The following DIP2C variants were observed in gnomAD, a reference collection of about 807,000 sequenced individuals.
DIP2C encodes disco-interacting protein 2 homolog C.
DIP2C carries 33 observed loss-of-function variants against 192.4 expected under a neutral mutation model. The observed-to-expected ratio is 0.17, with a 90% CI of 0.13 to 0.23. The LOEUF is 0.23. Among genes scored for constraint, DIP2C ranks in the 10% least tolerant of loss-of-function variants. The pLI, the probability that DIP2C is intolerant of heterozygous loss-of-function variation, is 1.00. For missense variants in DIP2C, 1,537 were observed against 2,110.1 expected, an observed-to-expected ratio of 0.73 and a Z score of 5.32; for synonymous variants, 979 against 864.1, an observed-to-expected ratio of 1.13 and a Z score of -2.33.
rs372103136 is a variant in DIP2C at position 417,895 on chromosome 10, G to A, written c.739+1170C>T. ...CTCCCTGTCCACCTGCACCTGTCAG[G>A]GCTCGGATAGGCCTCCCTGTCCACC... On this transcript the variant is annotated intron_variant, in intron 6 of 36. Transcript: ENST00000280886. Among the ~76,000 whole-genome samples the A allele has an allele frequency of 8.7e-3, 396 of 45,720 alleles. 24 individuals are homozygous for A. The highest frequency in any genetic ancestry group is 0.016 in the Middle Eastern group (1 of 64). 30.0% of individuals were successfully genotyped at this position (45,720 alleles called of 152,430 possible).
chr10:681,528 T>C (rs929095831), intron 1 of DIP2C, among the ~76,000 whole-genome samples: 5 of 149,296 alleles, frequency 3.3e-5, no homozygotes, highest in African/African-American at 1.2e-4. Context: ...TTCCAGGGAA[T>C]GCAGCCCCTC....
intron 1 of DIP2C, among the ~76,000 whole-genome samples, chr10:517,430 C>A (rs978226903): frequency 1.4e-4 from 22 of 152,284 alleles, no homozygotes; most frequent in African/African-American, 5.3e-4. Flanking sequence ...CACCCAAGCC[C>A]GACGCTCCGC....
intron 1 of DIP2C, among the ~76,000 whole-genome samples, chr10:499,580 CAG>C (rs1225152960): frequency 6.6e-6 from 1 of 152,150 alleles, no homozygotes; most frequent in African/African-American, 2.4e-5. Flanking sequence ...TAATATCTGA[CAG>C]AGCAGCCAAG....
At chr10:628,729 TGA>T (rs1184908502) in intron 1 of DIP2C, 1 of 152,372 alleles carries the variant, frequency 6.6e-6, no homozygotes, top group East Asian at 1.9e-4. Context: ...GGCACCCGTC[TGA>T]GAAGATGAAG....
At chr10:332,431 C>G (rs1957546034) in intron 29 of DIP2C, among the ~76,000 whole-genome samples, 1 of 152,132 alleles carries the variant, frequency 6.6e-6, no homozygotes, top group South Asian at 2.1e-4. Flanking sequence ...TAAGAAAACA[C>G]AAATCTTGAC....
chr10:571,985 T>C (rs1313792963), intron 1 of DIP2C, among the ~76,000 whole-genome samples: 1 of 152,222 alleles, frequency 6.6e-6, no homozygotes, highest in Non-Finnish European at 1.5e-5. Context: ...ATGTTCTTGG[T>C]TTCATGTTTG....
intron 24 of DIP2C, among the ~76,000 whole-genome samples, chr10:351,286 A>G (rs1473687568): frequency 3.3e-5 from 5 of 152,220 alleles, no homozygotes; most frequent in Non-Finnish European, 5.9e-5. Flanking sequence ...ATGGCGGGGC[A>G]CGGTGAGTGG....
chr10:571,752 T>G (rs930211273), intron 1 of DIP2C, among the ~76,000 whole-genome samples: 76 of 152,330 alleles, frequency 5.0e-4, no homozygotes, highest in African/African-American at 1.8e-3. Context: ...ACGGCGCTGG[T>G]GCCCAGCAGT....
intron 24 of DIP2C, 150 bp from the exon 25 acceptor site, chr10:349,604 A>G (rs1223515604): frequency 3.7e-6 from 4 of 1,089,892 alleles, no homozygotes; most frequent in Non-Finnish European, 5.0e-6. Context: ...CATGACAGTC[A>G]ATTTTAGAAC....
intron 1 of DIP2C, among the ~76,000 whole-genome samples, chr10:537,561 C>T (rs893540611): frequency 2.0e-5 from 3 of 151,800 alleles, no homozygotes; most frequent in Admixed American, 6.6e-5. Context: ...GCATCCTGCC[C>T]CCCGTCCCCC....
At position 380,466 on chromosome 10, in the gene DIP2C, G is replaced by T. The variant is rs12772595; in HGVS notation, c.1991+2181C>A. ...GGCTGTCCCTGGATGATGGTTAACAGGCAGAAGAGGCTGTCCCTGGATGAT... is the reference window on the plus strand; with the variant it reads ...GGCTGTCCCTGGATGATGGTTAACATGCAGAAGAGGCTGTCCCTGGATGAT... On this transcript the variant is annotated intron_variant, in intron 17 of 36. Coordinates refer to ENST00000280886, the MANE Select transcript of DIP2C (RefSeq NM_014974.3). Among the ~76,000 whole-genome samples, 895 of 147,772 alleles carry T rather than the reference G, an allele frequency of 6.1e-3. 4 individuals carry two copies. The highest frequency in any genetic ancestry group is 0.015 in the Middle Eastern group (4 of 264).
At chr10:424,495 A>T (rs1270671180) in intron 4 of DIP2C, among the ~76,000 whole-genome samples, 4 of 150,868 alleles carry the variant, frequency 2.7e-5, no homozygotes, top group African/African-American at 9.8e-5. Context: ...CCTCCCAGGT[A>T]GCTGAGATTA....
chr10:501,928 T>G (rs1845259047), intron 1 of DIP2C, among the ~76,000 whole-genome samples: 1 of 152,102 alleles, frequency 6.6e-6, no homozygotes, highest in African/African-American at 2.4e-5. Context: ...GAGGATCACT[T>G]GAGCCCAGGA....
At chr10:490,607 G>A (rs989637218) in intron 1 of DIP2C, among the ~76,000 whole-genome samples, 3 of 152,138 alleles carry the variant, frequency 2.0e-5, no homozygotes, top group East Asian at 1.9e-4. Context: ...CGCTTTCCAC[G>A]TAAAATTCCA....
intron 33 of DIP2C, 90 bp downstream of exon 33, chr10:288,274 T>C: frequency 7.9e-7 from 1 of 1,267,684 alleles, no homozygotes; most frequent in Non-Finnish European, 1.1e-6. Flanking sequence ...GGAAAAAACA[T>C]TCTAAAAAAT....
chr10:578,330 A>G lies in DIP2C; in HGVS notation c.86-91800T>C, dbSNP rs115611619. 6.0e-3 allele frequency among the ~76,000 whole-genome samples: 917 copies of G among 152,338 alleles called. 13 individuals are homozygous for G. Among genetic ancestry groups the G allele is most frequent in the African/African-American group, 0.021 (866 of 41,580 alleles). ...ACTCCACGAATAAAGAACAGTAGAA[A>G]ATGAACACGTTTCCTGATGAGTGGC... On this transcript the variant is annotated intron_variant, in intron 1 of 36. Coordinates refer to ENST00000280886, the MANE Select transcript of DIP2C (RefSeq NM_014974.3).
chr10:544,707 C>T (rs1564835605), intron 1 of DIP2C, among the ~76,000 whole-genome samples: 3 of 152,112 alleles, frequency 2.0e-5, no homozygotes, highest in South Asian at 2.1e-4. Flanking sequence ...ATCTCATGTG[C>T]TTTTTAAGGC....
intron 1 of DIP2C, among the ~76,000 whole-genome samples, chr10:579,791 G>C (rs970322970): frequency 6.6e-6 from 1 of 151,854 alleles, no homozygotes; most frequent in Non-Finnish European, 1.5e-5. Context: ...TATCCATATA[G>C]CATATGTACA....
At chr10:309,139 C>T (rs976860446) in intron 32 of DIP2C, among the ~76,000 whole-genome samples, 1 of 152,188 alleles carries the variant, frequency 6.6e-6, no homozygotes, top group African/African-American at 2.4e-5. Flanking sequence ...TCTGTTTCAA[C>T]GGGGGAAGTC....
Sources: allele counts gnomAD v4.1 joint callset (sites outside exome capture counted in the v4.1 genomes callset), GRCh38; gene constraint gnomAD v4.1.1; transcripts MANE v1.5; gene names NCBI Gene and HGNC (gene_info 2026-07-23, HGNC 2026-07-21).